Variants in SUCO observed in about 807,000 individuals in gnomAD.
SUCO encodes SUN domain containing ossification factor, also known as SUN domain-containing ossification factor.
A neutral mutation model predicts 148.1 loss-of-function variants in SUCO; 57 were observed. The ratio of observed to expected loss-of-function variants is 0.38; its 90% CI spans 0.31 to 0.48. The LOEUF is 0.48. Among genes scored for constraint, SUCO ranks in the 20% least tolerant of loss-of-function variants. The pLI is 0.96. For synonymous variants in SUCO, 470 were observed against 502.7 expected, an observed-to-expected ratio of 0.93 and a Z score of 0.87; for missense variants, 1,331 against 1,468.2, an observed-to-expected ratio of 0.91 and a Z score of 1.53.
rs751211336 is a variant in SUCO, at chr1:172,589,363, A to G, written c.2262A>G (p.Glu754=). The change falls in exon 18 of 24, where the codon GAA becomes GAG. Residue 754 remains glutamate (E), a synonymous_variant. Coordinates refer to ENST00000263688, the MANE Select transcript of SUCO (RefSeq NM_014283.5). ...LPKIEVSESV[E]YEAGHIPSPV... ...AAATAGAAGTATCTGAGTCTGTTGA[A>G]TATGAGGCAGGACATATACCATCAC... 55 of 1,613,688 alleles carry G rather than the reference A, an allele frequency of 3.4e-5. No homozygotes were observed. Among genetic ancestry groups the G allele is most frequent in the Non-Finnish European group, 4.6e-5 (54 of 1,179,872 alleles).
chr1:172,557,132 CA>C, intron 4 of SUCO, 147 bp from the exon 5 acceptor site: 3 of 1,392,836 alleles, frequency 2.2e-6, no homozygotes, highest in Admixed American at 3.2e-5. Context: ...AGGACAATAA[CA>C]GATCAAGTCA....
intron 9 of SUCO, among the ~76,000 whole-genome samples, chr1:172,572,302 T>G (rs1383815450): frequency 1.3e-5 from 2 of 151,678 alleles, no homozygotes; most frequent in Non-Finnish European, 1.5e-5. Flanking sequence ...ATGGTTGCCA[T>G]GTCTGTGTGG....
At chr1:172,578,056 A>C (rs1482181054) in intron 13 of SUCO, among the ~76,000 whole-genome samples, 1 of 151,870 alleles carries the variant, frequency 6.6e-6, no homozygotes, top group African/African-American at 2.4e-5. Context: ...TATGATGATA[A>C]TACACAGAAA....
At chr1:172,561,233 A>G (rs1174794368) in intron 6 of SUCO, among the ~76,000 whole-genome samples, 1 of 152,212 alleles carries the variant, frequency 6.6e-6, no homozygotes, top group African/African-American at 2.4e-5. Flanking sequence ...CTGGAGGTAT[A>G]CATACCCAAC....
At chr1:172,573,840 T>C (rs756347031) in intron 9 of SUCO, 51 bp from the exon 10 acceptor site, 1 of 1,002,878 alleles carries the variant, frequency 1.0e-6, no homozygotes, top group East Asian at 2.4e-5. Context: ...ATATTTAATA[T>C]GAACTGTTAT....
Position 172,533,348 on chromosome 1 carries a change from C to G in SUCO, c.-88C>G. The G allele has an allele frequency of 6.4e-7, 1 of 1,551,710 alleles. No homozygotes were observed. The highest frequency in any genetic ancestry group is 8.7e-7 in the Non-Finnish European group (1 of 1,146,974). On this transcript the variant is annotated 5_prime_UTR_variant, in exon 1 of 24. Coordinates refer to ENST00000263688, the MANE Select transcript of SUCO (RefSeq NM_014283.5). ...GGACTATCGGTCACATTCTCGCGCT[C>G]CTGCTCCGGCTCCTCCATCTTGGCC...
At chr1:172,545,359 A>G (rs1301245621) in intron 1 of SUCO, among the ~76,000 whole-genome samples, 2 of 152,198 alleles carry the variant, frequency 1.3e-5, no homozygotes, top group African/African-American at 2.4e-5. Context: ...ACTAAAAACC[A>G]TGAGAGTACG....
At chr1:172,609,170 C>A in intron 23 of SUCO, 2 of 799,886 alleles carry the variant, frequency 2.5e-6, no homozygotes, top group Non-Finnish European at 1.5e-6. Flanking sequence ...ACAGAGCATG[C>A]ACCGTTCCTC....
intron 19 of SUCO, chr1:172,599,568 T>C (rs1233146770): frequency 5.1e-6 from 1 of 195,584 alleles, no homozygotes; most frequent in Admixed American, 6.5e-5. Context: ...CAATTATGGA[T>C]ATTTCACTAT....
intron 13 of SUCO, 79 bp from the exon 14 acceptor site, chr1:172,578,219 T>G: frequency 1.8e-6 from 2 of 1,081,714 alleles, no homozygotes; most frequent in Non-Finnish European, 2.8e-6. Flanking sequence ...CCAAAGTTGA[T>G]GTTTGTCATT....
intron 22 of SUCO, among the ~76,000 whole-genome samples, chr1:172,605,478 G>A (rs1309160646): frequency 6.6e-6 from 1 of 151,766 alleles, no homozygotes; most frequent in East Asian, 1.9e-4. Context: ...ACGTACATGA[G>A]GGCTTATCTC....
At position 172,589,031 on chromosome 1, in the gene SUCO, T is replaced by C. The variant is rs1023922005; in HGVS notation, c.1930T>C (p.Tyr644His). 9 of 1,613,628 alleles carry C rather than the reference T, an allele frequency of 5.6e-6. No individual in the cohort carries two copies. The highest frequency in any genetic ancestry group is 7.6e-6 in the Non-Finnish European group (9 of 1,179,784). ...ATGGTGTTCAGTTAGAGTTGCTCTTTATCGGCAGCGCAGCCGAACTGCTTT... is the reference window on the plus strand; with the variant it reads ...ATGGTGTTCAGTTAGAGTTGCTCTTCATCGGCAGCGCAGCCGAACTGCTTT... ...YKWCSVRVAL[Y>H]RQRSRTALSK... is the part of the protein sequence containing the mutation. Residue 644 changes from tyrosine (Y) to histidine (H), a missense_variant, in exon 18 of 24, where the codon TAT becomes CAT. Around this residue, in one of 3 missense-constraint regions of SUCO, gnomAD observed 992 missense variants for 1,093.5 expected, o/e 0.91. Transcript: ENST00000263688.
At chr1:172,541,535 A>G (rs1315594090) in intron 1 of SUCO, among the ~76,000 whole-genome samples, 2 of 152,248 alleles carry the variant, frequency 1.3e-5, no homozygotes, top group African/African-American at 4.8e-5. Flanking sequence ...GAAATAAAGA[A>G]CAGGGTACAA....
intron 6 of SUCO, among the ~76,000 whole-genome samples, chr1:172,565,005 A>G (rs1245250802): frequency 1.3e-5 from 2 of 152,168 alleles, no homozygotes; most frequent in Non-Finnish European, 2.9e-5. Context: ...GATGAGAATC[A>G]TTTTACCATT....
chr1:172,591,152 T>G lies in SUCO; in HGVS notation c.2913+81T>G, dbSNP rs578217945. ...GGGTCTCACTGGTAAACAGTAAGTA[T>G]TGTAGTTTCACTTTTTCCCCCTGCT... On this transcript the variant is annotated intron_variant, in intron 19 of 23. Coordinates refer to ENST00000263688, the MANE Select transcript of SUCO (RefSeq NM_014283.5). 2.9e-6 allele frequency: 3 copies of G among 1,049,648 alleles called. No individual in the cohort carries two copies. In the African/African-American group the frequency reaches 4.9e-5, roughly 17 times the overall value. The allele number at this position is 1,049,648 out of a possible 1,614,324, so 65.0% of individuals were successfully genotyped here.
In SUCO at chr1:172,578,294, A is replaced by G; in HGVS notation, c.1341-4A>G. The G allele has an allele frequency of 6.3e-7, 1 of 1,599,704 alleles. No individual in the cohort carries two copies. Among genetic ancestry groups the G allele is most frequent in the Non-Finnish European group, 8.6e-7 (1 of 1,167,346 alleles). On this transcript the variant is annotated splice_polypyrimidine_tract_variant and splice_region_variant and intron_variant, in intron 13 of 23. Coordinates refer to ENST00000263688, the MANE Select transcript of SUCO (RefSeq NM_014283.5). ...GAAGTCTTTAATGAAATTGTTGTTGATAGGGTATTTGGCACTAGCATGGTG... is the reference window on the plus strand; with the variant it reads ...GAAGTCTTTAATGAAATTGTTGTTGGTAGGGTATTTGGCACTAGCATGGTG...
chr1:172,555,818 A>G lies in SUCO; in HGVS notation c.289-51A>G, dbSNP rs745945218. On this transcript the variant is annotated intron_variant, in intron 3 of 23. Transcript: ENST00000263688. ...CATAAATGCCCGTTCTGCTAAAGAG[A>G]TGTTATATTAATCTCAACATTTAAT... The G allele has an allele frequency of 7.6e-6, 11 of 1,442,608 alleles. No homozygotes were observed. In the African/African-American group the frequency reaches 9.9e-5, roughly 13 times the overall value. 89.4% of individuals were successfully genotyped at this position (1,442,608 alleles called of 1,614,324 possible).
At position 172,551,518 on chromosome 1, in the gene SUCO, C is replaced by T. The variant is rs774301527; in HGVS notation, c.69C>T (p.Pro23=). 1.3e-6 allele frequency: 2 copies of T among 1,596,362 alleles called. No individual in the cohort carries two copies. The highest frequency in any genetic ancestry group is 1.7e-5 in the Admixed American group (1 of 57,434). ...CLFLCSLVWL[P]SWRVCCKESS... ...GGTGGTGGGTGTTTTACAGGCTTCC[C>T]AGCTGGCGTGTATGTTGTAAAGAGA... is the stretch of plus-strand genomic sequence containing the variant. The change falls in exon 2 of 24, where the codon CCC becomes CCT. Residue 23 remains proline, a synonymous_variant. Transcript: ENST00000263688.
intron 20 of SUCO, 124 bp from the exon 21 acceptor site, chr1:172,601,940 T>A: frequency 1.1e-6 from 1 of 944,812 alleles, no homozygotes; most frequent in Non-Finnish European, 1.5e-6. Flanking sequence ...ATGCCCTGCA[T>A]TTCTGGTCTT....
Sources: allele counts gnomAD v4.1 joint callset (sites outside exome capture counted in the v4.1 genomes callset), GRCh38; gene constraint gnomAD v4.1.1; regional missense constraint gnomAD v4.1.1; transcripts MANE v1.5; gene names NCBI Gene and HGNC (gene_info 2026-07-23, HGNC 2026-07-21).